UBE2U: variants seen among roughly 807,000 people sequenced by gnomAD.
UBE2U encodes the protein ubiquitin-conjugating enzyme E2 U.
Under a neutral mutation model 41.2 loss-of-function variants are expected in UBE2U, and 39 were observed. The observed-to-expected ratio is 0.95, with a 90% CI of 0.73 to 1.24. The LOEUF (loss-of-function observed/expected upper bound fraction) is 1.24, where lower values mean the gene tolerates loss of function less well. Among genes scored for constraint, UBE2U ranks in the 50% most tolerant of loss-of-function variants. The pLI, the probability that UBE2U is intolerant of heterozygous loss-of-function variation, is 0.00. For missense variants in UBE2U, 336 were observed against 363.1 expected (o/e 0.93, Z 0.61); for synonymous variants, 107 against 117.8 (o/e 0.91, Z 0.60).
intron 8 of UBE2U, 98 bp downstream of exon 8, chr1:64,241,831 G>C: frequency 1.2e-6 from 1 of 848,444 alleles, no homozygotes; most frequent in Admixed American, 2.8e-5. Flanking sequence ...AGAAACCCTT[G>C]GAAATAACAA....
At chr1:64,208,482 G>A (rs1286234657) in intron 3 of UBE2U, among the ~76,000 whole-genome samples, 1 of 151,650 alleles carries the variant, frequency 6.6e-6, no homozygotes, top group African/African-American at 2.4e-5. Context: ...GCATGTGCCT[G>A]TAGTCCCAGC....
chr1:64,203,761 A>C lies in UBE2U; in HGVS notation c.-290A>C, dbSNP rs377455812. 3.2e-6 allele frequency: 1 copy of C among 316,936 alleles called. No homozygotes were observed. Among genetic ancestry groups the C allele is most frequent in the Non-Finnish European group, 5.8e-6 (1 of 173,394 alleles). The allele number at this position is 316,936 out of a possible 1,614,324, so 19.6% of individuals were successfully genotyped here. A position where few individuals can be genotyped will look rare whatever the true frequency, so the allele number is the denominator to read the frequency against. On this transcript the variant is annotated 5_prime_UTR_variant, in exon 1 of 10. Coordinates refer to ENST00000371077, the MANE Select transcript of UBE2U (RefSeq NM_001366232.2). ...ATGGGCTTGTCTCCGTTACTCATCC[A>C]AGTTTGTCTTGAGACTGGGCTGTGA... is the stretch of plus-strand genomic sequence containing the variant.
intron 8 of UBE2U, among the ~76,000 whole-genome samples, chr1:64,243,373 A>G (rs779699019): frequency 2.6e-5 from 4 of 152,204 alleles, no homozygotes; most frequent in Non-Finnish European, 5.9e-5. Context: ...AAGAATGGCA[A>G]AATTCAACTT....
chr1:64,262,682 G>A (rs1022676107), intron 9 of UBE2U, among the ~76,000 whole-genome samples: 4 of 152,188 alleles, frequency 2.6e-5, no homozygotes, highest in African/African-American at 9.6e-5. Flanking sequence ...GGAGTCATAT[G>A]TGATGTAACA....
intron 7 of UBE2U, 57 bp from the exon 8 acceptor site, chr1:64,241,588 TTTAACTA>T (rs1392286000): frequency 2.5e-6 from 3 of 1,201,960 alleles, no homozygotes; most frequent in African/African-American, 1.6e-5. Context: ...ATTTTTAACT[TTTAACTA>T]TTAACTATTA....
intron 3 of UBE2U, among the ~76,000 whole-genome samples, chr1:64,208,922 C>A (rs1322519604): frequency 6.6e-6 from 1 of 151,994 alleles, no homozygotes; most frequent in Admixed American, 6.6e-5. Flanking sequence ...ATACATTGAA[C>A]AATAAAATGT....
At chr1:64,224,836 C>T in intron 6 of UBE2U, among the ~76,000 whole-genome samples, 1 of 151,914 alleles carries the variant, frequency 6.6e-6, no homozygotes, top group East Asian at 1.9e-4. Context: ...CACTACTGAA[C>T]TGTACACTTA....
intron 7 of UBE2U, among the ~76,000 whole-genome samples, chr1:64,235,621 T>G (rs1249156358): frequency 2.0e-5 from 3 of 152,166 alleles, no homozygotes; most frequent in Non-Finnish European, 4.4e-5. Flanking sequence ...ATTAGAAAGA[T>G]TATTAAACTC....
chr1:64,221,933 A>C (rs1162769610), intron 6 of UBE2U, among the ~76,000 whole-genome samples: 1 of 151,992 alleles, frequency 6.6e-6, no homozygotes, highest in Non-Finnish European at 1.5e-5. Context: ...AAAAATACAA[A>C]AAAATTAGCC....
chr1:64,252,362 G>T (rs1645024931), intron 8 of UBE2U, among the ~76,000 whole-genome samples: 1 of 152,304 alleles, frequency 6.6e-6, no homozygotes, highest in South Asian at 2.1e-4. Flanking sequence ...ACGAGGAAGG[G>T]TCCCCCTCAA....
At chr1:64,244,864 T>A (rs1247938959) in intron 8 of UBE2U, among the ~76,000 whole-genome samples, 1 of 152,168 alleles carries the variant, frequency 6.6e-6, no homozygotes, top group Non-Finnish European at 1.5e-5. Context: ...ACTCAATTAA[T>A]GTTAGTTGAA....
intron 5 of UBE2U, chr1:64,215,493 G>A (rs916055161): frequency 6.6e-6 from 1 of 152,322 alleles, no homozygotes; most frequent in African/African-American, 2.4e-5. Flanking sequence ...TGCATGGATG[G>A]TGCCAAATGA....
intron 6 of UBE2U, among the ~76,000 whole-genome samples, chr1:64,230,500 C>G (rs868072213): frequency 2.2e-4 from 34 of 152,270 alleles, no homozygotes; most frequent in Admixed American, 1.2e-3. Flanking sequence ...ATAATTTCTT[C>G]CCCCAACATC....
chr1:64,265,727 T>C (rs987247311), intron 9 of UBE2U, among the ~76,000 whole-genome samples: 1 of 152,136 alleles, frequency 6.6e-6, no homozygotes, highest in African/African-American at 2.4e-5. Flanking sequence ...TACAGGCTCC[T>C]GCCACCACAC....
intron 8 of UBE2U, among the ~76,000 whole-genome samples, chr1:64,258,563 C>T (rs1328856408): frequency 6.7e-6 from 1 of 148,940 alleles, no homozygotes; most frequent in Non-Finnish European, 1.5e-5. Context: ...TGAGTGAGAA[C>T]ATGCAGTGTT....
At chr1:64,243,082 G>C (rs536115882) in intron 8 of UBE2U, among the ~76,000 whole-genome samples, 1 of 152,030 alleles carries the variant, frequency 6.6e-6, no homozygotes, top group African/African-American at 2.4e-5. Flanking sequence ...TTGAGTGCTG[G>C]AACATTTTTC....
chr1:64,262,999 T>C lies in UBE2U; in HGVS notation c.769+2305T>C, dbSNP rs1005472938. On this transcript the variant is annotated intron_variant, in intron 9 of 9. Transcript: ENST00000371077. ...AGTAAATAGTAGGATGAAGTAAAAT[T>C]GTCATGTTTTTATCTGCCTTGTGAT... 3.5e-4 allele frequency among the ~76,000 whole-genome samples: 53 copies of C among 152,150 alleles called. 1 individual carries two copies. The highest frequency in any genetic ancestry group is 1.1e-3 in the African/African-American group (46 of 41,518).
chr1:64,217,273 C>G (rs939605112), intron 5 of UBE2U, among the ~76,000 whole-genome samples: 6 of 152,124 alleles, frequency 3.9e-5, no homozygotes, highest in African/African-American at 1.4e-4. Context: ...TGATAAAAAG[C>G]TCTGGCGCCA....
In UBE2U at chr1:64,203,638, T is replaced by G. The variant is rs1297502156; in HGVS notation, c.-413T>G. ...GTTGGTTGGCAACCGATTTGCTTCCTCCGGTGCGTGGCTGCGGGGTTGCAC... is the reference window on the plus strand; with the variant it reads ...GTTGGTTGGCAACCGATTTGCTTCCGCCGGTGCGTGGCTGCGGGGTTGCAC... On this transcript the variant is annotated 5_prime_UTR_variant, in exon 1 of 10. Coordinates refer to ENST00000371077, the MANE Select transcript of UBE2U (RefSeq NM_001366232.2). 6.4e-6 allele frequency: 1 copy of G among 157,102 alleles called. No individual in the cohort carries two copies. Among genetic ancestry groups the G allele is most frequent in the Non-Finnish European group, 1.4e-5 (1 of 71,484 alleles). The allele number at this position is 157,102 out of a possible 1,614,324, so 9.7% of individuals were successfully genotyped here.
Sources: allele counts gnomAD v4.1 joint callset (sites outside exome capture counted in the v4.1 genomes callset), GRCh38; gene constraint gnomAD v4.1.1; transcripts MANE v1.5; gene names NCBI Gene and HGNC (gene_info 2026-07-23, HGNC 2026-07-21).